Variants in ARMC9 observed in about 807,000 individuals in gnomAD.
The protein encoded by ARMC9 is armadillo repeat containing 9.
A neutral mutation model predicts 107.0 loss-of-function variants in ARMC9; 94 were observed. The observed-to-expected ratio is 0.88, with a 90% CI of 0.74 to 1.04. The LOEUF is 1.04. Among genes scored for constraint, ARMC9 ranks in the 50% least tolerant of loss-of-function variants. ARMC9 has a pLI of 0.00. For missense variants in ARMC9, 942 were observed against 1,030.1 expected (o/e 0.91, Z 1.17); for synonymous variants, 380 against 396.9 (o/e 0.96, Z 0.51).
intron 18 of ARMC9, 96 bp downstream of exon 18, chr2:231,291,539 C>T (rs140463703): frequency 7.0e-5 from 89 of 1,264,326 alleles, no homozygotes; most frequent in Middle Eastern, 1.9e-4. Context: ...TTTAGGAAGC[C>T]GGGCACGGTG....
intron 6 of ARMC9, among the ~76,000 whole-genome samples, chr2:231,223,472 G>T (rs928662838): frequency 6.6e-6 from 1 of 152,076 alleles, no homozygotes; most frequent in Non-Finnish European, 1.5e-5. Context: ...TTTCCCAAAG[G>T]TTATTAGTTT....
intron 6 of ARMC9, among the ~76,000 whole-genome samples, chr2:231,223,282 A>G (rs947732684): frequency 6.6e-6 from 1 of 152,168 alleles, no homozygotes; most frequent in African/African-American, 2.4e-5. Context: ...TAAGTGTACA[A>G]TTTAATGCTT....
intron 12 of ARMC9, among the ~76,000 whole-genome samples, chr2:231,265,137 C>G (rs2038740076): frequency 6.6e-6 from 1 of 152,086 alleles, no homozygotes; most frequent in East Asian, 1.9e-4. Context: ...ACGCTTGAAC[C>G]CTTTTACACT....
At chr2:231,215,959 G>A (rs181078810) in intron 4 of ARMC9, among the ~76,000 whole-genome samples, 18 of 152,334 alleles carry the variant, frequency 1.2e-4, no homozygotes, top group African/African-American at 4.1e-4. Context: ...TGTAAGAACA[G>A]GCTTAGTCTA....
chr2:231,253,514 T>C (rs967970178), intron 9 of ARMC9, among the ~76,000 whole-genome samples: 1 of 151,774 alleles, frequency 6.6e-6, no homozygotes, highest in Admixed American at 6.6e-5. Context: ...GCCACTGTAC[T>C]CCAGCCTGGG....
At chr2:231,277,078 T>G (rs2039825375) in intron 15 of ARMC9, among the ~76,000 whole-genome samples, 1 of 152,154 alleles carries the variant, frequency 6.6e-6, no homozygotes, top group East Asian at 1.9e-4. Context: ...ATGATCCCCT[T>G]TTCTGAAGAC....
intron 10 of ARMC9, among the ~76,000 whole-genome samples, 194 bp from the exon 11 acceptor site, chr2:231,258,797 A>T (rs546236041): frequency 6.6e-6 from 1 of 152,264 alleles, no homozygotes; most frequent in African/African-American, 2.4e-5. Context: ...ATCCAACAGA[A>T]TAGGCAGAGC....
At chr2:231,226,930 G>A in intron 7 of ARMC9, 132 bp downstream of exon 7, 1 of 1,077,914 alleles carries the variant, frequency 9.3e-7, no homozygotes, top group Non-Finnish European at 1.4e-6. Context: ...GAAAGGCTTT[G>A]CAGTCATAGT....
chr2:231,211,069 A>G (rs763012871), intron 3 of ARMC9, among the ~76,000 whole-genome samples: 2 of 152,184 alleles, frequency 1.3e-5, no homozygotes, highest in African/African-American at 2.4e-5. Flanking sequence ...TCATGTTGCA[A>G]TGTATGACAA....
At chr2:231,204,126 A>G (rs1485964760) in intron 1 of ARMC9, among the ~76,000 whole-genome samples, 2 of 147,564 alleles carry the variant, frequency 1.4e-5, no homozygotes, top group Admixed American at 1.4e-4. Flanking sequence ...GTGAGCTATG[A>G]TCATGTCACT....
intron 9 of ARMC9, among the ~76,000 whole-genome samples, chr2:231,245,948 C>A (rs2036725355): frequency 6.6e-6 from 1 of 152,288 alleles, no homozygotes; most frequent in Non-Finnish European, 1.5e-5. Flanking sequence ...GCCCTAAGAG[C>A]AGGAGTGGGT....
At chr2:231,313,295 C>G (rs891127778) in intron 19 of ARMC9, among the ~76,000 whole-genome samples, 1 of 152,228 alleles carries the variant, frequency 6.6e-6, no homozygotes, top group Non-Finnish European at 1.5e-5. Context: ...TCAGCTCTCT[C>G]ATGCTTGCTG....
chr2:231,253,733 G>A (rs536336204), intron 9 of ARMC9, among the ~76,000 whole-genome samples: 2 of 152,260 alleles, frequency 1.3e-5, no homozygotes, highest in East Asian at 3.9e-4. Context: ...ACTTTGAGTA[G>A]CAGGGGGCTG....
At chr2:231,228,147 A>G (rs1329780952) in intron 7 of ARMC9, among the ~76,000 whole-genome samples, 1 of 152,232 alleles carries the variant, frequency 6.6e-6, no homozygotes, top group Non-Finnish European at 1.5e-5. Context: ...CATCCAACAC[A>G]GCTGGCATCT....
Position 231,216,698 on chromosome 2 carries a change from G to C in ARMC9, c.409G>C (p.Ala137Pro). 3 of 1,613,884 alleles carry C rather than the reference G, an allele frequency of 1.9e-6. No homozygotes were observed. Among genetic ancestry groups the C allele is most frequent in the South Asian group, 2.2e-5 (2 of 91,068 alleles). Reference protein sequence around the residue: ...YFKTYLETKGAALSQTTEFLP... With the variant: ...YFKTYLETKGPALSQTTEFLP... ...CAAAACCTACCTGGAGACCAAAGGG[G>C]CAGCCTTGAGCCAGACCACAGAGTT... The change falls in exon 5 of 25, where the codon GCA becomes CCA. Residue 137 changes from alanine (A) to proline (P), a missense_variant. Coordinates refer to ENST00000611582, the MANE Select transcript of ARMC9 (RefSeq NM_001352754.2).
At position 231,375,303 on chromosome 2, in the gene ARMC9, A is replaced by G. The variant is rs1322409979; in HGVS notation, c.*3768A>G. On this transcript the variant is annotated 3_prime_UTR_variant, in exon 25 of 25. Coordinates refer to ENST00000611582, the MANE Select transcript of ARMC9 (RefSeq NM_001352754.2). This position sits in a 1 kb window ranked among gnomAD's most constrained non-coding sequence, Gnocchi z 4.3. ...ATGGTGGCCTCGGGGCTCCCATGGCAGTTAGAGAAATCAAGCCCAAGTCTC... is the reference window on the plus strand; with the variant it reads ...ATGGTGGCCTCGGGGCTCCCATGGCGGTTAGAGAAATCAAGCCCAAGTCTC... Among the ~76,000 whole-genome samples, 1 of 152,150 alleles carries G rather than the reference A, an allele frequency of 6.6e-6. No homozygotes were observed. Among genetic ancestry groups the G allele is most frequent in the Non-Finnish European group, 1.5e-5 (1 of 68,044 alleles).
intron 19 of ARMC9, among the ~76,000 whole-genome samples, chr2:231,316,264 T>G (rs575837074): frequency 6.7e-6 from 1 of 148,908 alleles, no homozygotes; most frequent in Admixed American, 6.7e-5. Context: ...TTCTGTTTTG[T>G]TTTTTTTTTA....
intron 4 of ARMC9, among the ~76,000 whole-genome samples, chr2:231,216,239 A>G (rs2033486277): frequency 6.6e-6 from 1 of 152,204 alleles, no homozygotes; most frequent in Non-Finnish European, 1.5e-5. Context: ...GAGGCATGGT[A>G]ATGCAGACAG....
chr2:231,288,940 G>T (rs1477576509), intron 17 of ARMC9, among the ~76,000 whole-genome samples: 6 of 152,198 alleles, frequency 3.9e-5, no homozygotes, highest in African/African-American at 9.6e-5. Context: ...TAGCTAGCTG[G>T]AAGGAGCAGG....
Sources: allele counts gnomAD v4.1 joint callset (sites outside exome capture counted in the v4.1 genomes callset), GRCh38; gene constraint gnomAD v4.1.1; non-coding constraint Gnocchi (gnomAD v3.1); transcripts MANE v1.5; gene names NCBI Gene and HGNC (gene_info 2026-07-23, HGNC 2026-07-21).